The following SELP variants were observed in gnomAD, a reference collection of about 807,000 sequenced individuals.
SELP encodes the protein selectin P, also known as P-selectin.
Under a neutral mutation model 104.1 loss-of-function variants are expected in SELP, and 92 were observed. The observed-to-expected ratio is 0.88, with a 90% CI of 0.75 to 1.05. The LOEUF (loss-of-function observed/expected upper bound fraction) is 1.05. Ranked by LOEUF, SELP falls within the 50% of genes least tolerant of loss-of-function variation. SELP has a pLI of 0.00. For missense variants in SELP, 1,022 were observed against 1,017.3 expected (o/e 1.00, Z -0.06); for synonymous variants, 397 against 364.5 (o/e 1.09, Z -1.01).
intron 10 of SELP, among the ~76,000 whole-genome samples, chr1:169,599,592 A>C (rs1661800053): frequency 6.6e-6 from 1 of 152,146 alleles, no homozygotes. Context: ...GTTTCCTTTC[A>C]TTATATCATT....
intron 1 of SELP, among the ~76,000 whole-genome samples, chr1:169,621,054 C>T: frequency 7.4e-6 from 1 of 134,816 alleles, no homozygotes; most frequent in African/African-American, 2.9e-5. Context: ...TGTCATGCCA[C>T]AGTGACGGAT....
At chr1:169,614,788 C>T (rs1156617948) in intron 3 of SELP, among the ~76,000 whole-genome samples, 1 of 152,152 alleles carries the variant, frequency 6.6e-6, no homozygotes, top group Non-Finnish European at 1.5e-5. Context: ...TGAAGCTGCA[C>T]TGAGACACTG....
intron 9 of SELP, among the ~76,000 whole-genome samples, chr1:169,604,613 C>A (rs544922562): frequency 6.6e-6 from 1 of 152,342 alleles, no homozygotes; most frequent in Admixed American, 6.5e-5. Flanking sequence ...ATTCCTTCCC[C>A]TCTCTAGCTA....
chr1:169,618,479 G>A (rs574269092), intron 2 of SELP, among the ~76,000 whole-genome samples: 3 of 152,176 alleles, frequency 2.0e-5, no homozygotes, highest in Non-Finnish European at 2.9e-5. Flanking sequence ...GAGTCCACCC[G>A]GGGCAGGAGA....
chr1:169,593,603 A>G lies in SELP; in HGVS notation c.2407+2T>C. 6.2e-7 allele frequency: 1 copy of G among 1,612,218 alleles called. No individual in the cohort carries two copies. The highest frequency in any genetic ancestry group is 8.5e-7 in the Non-Finnish European group (1 of 1,178,812). Reference sequence around the variant, plus strand: ...GCAAAGAGAAGACTCTTTCCTATTTACCTTTTTGTCTGAAACGCTTTCTTA... The same window carrying G: ...GCAAAGAGAAGACTCTTTCCTATTTGCCTTTTTGTCTGAAACGCTTTCTTA... On this transcript the variant is annotated splice_donor_variant, in intron 14 of 16. Transcript: ENST00000263686. LOFTEE classifies it high-confidence loss of function.
At chr1:169,600,506 G>A (rs1002421201) in intron 10 of SELP, among the ~76,000 whole-genome samples, 3 of 152,108 alleles carry the variant, frequency 2.0e-5, no homozygotes, top group East Asian at 1.9e-4. Flanking sequence ...CTAGGCAGAG[G>A]CCACATCCCA....
At chr1:169,591,506 A>C in intron 14 of SELP, 50 bp from the exon 15 acceptor site, 2 of 1,337,928 alleles carry the variant, frequency 1.5e-6, no homozygotes, top group Non-Finnish European at 2.1e-6. Context: ...AAAAAACAAG[A>C]TGAAAGAGAG....
At position 169,606,596 on chromosome 1, in the gene SELP, T is replaced by A. The variant is rs554206517; in HGVS notation, c.1519+353A>T. On this transcript the variant is annotated intron_variant, in intron 9 of 16. Transcript: ENST00000263686. The stretch of plus-strand genomic sequence containing the variant: ...CTTGGGACAACCACTCTGAAGCAAT[T>A]TTTTTCCCACCTGGTCTTCTTTCCA... Among the ~76,000 whole-genome samples the A allele has an allele frequency of 4.0e-4, 60 of 151,870 alleles. 1 individual carries two copies. The South Asian group carries it at 0.012, about 31-fold the overall frequency.
chr1:169,595,153 A>C (rs3917827), intron 12 of SELP, among the ~76,000 whole-genome samples: 10,228 of 152,262 alleles, frequency 0.067, 450 homozygotes, highest in Middle Eastern at 0.12. Flanking sequence ...CTTGCCTCCA[A>C]ATATACTATT....
At chr1:169,594,902 G>A (rs1661527226) in intron 12 of SELP, 25 bp from the exon 13 acceptor site, 1 of 1,595,222 alleles carries the variant, frequency 6.3e-7, no homozygotes, top group Non-Finnish European at 8.6e-7. Context: ...TAATGCAAGA[G>A]AAACAACATG....
At chr1:169,607,537 T>C (rs377652330) in intron 8 of SELP, among the ~76,000 whole-genome samples, 37 of 152,260 alleles carry the variant, frequency 2.4e-4, no homozygotes, top group African/African-American at 7.9e-4. Context: ...ATGAAAAGAA[T>C]GTTAAAGGTC....
chr1:169,629,995 C>A (rs1385178955), intron 1 of SELP, 77 bp downstream of exon 1: 11 of 1,588,482 alleles, frequency 6.9e-6, no homozygotes, highest in Admixed American at 1.7e-5. Context: ...ACTTTCTGAA[C>A]CTTTACCTGC....
intron 10 of SELP, among the ~76,000 whole-genome samples, chr1:169,598,408 T>C (rs995429299): frequency 2.0e-5 from 3 of 152,188 alleles, no homozygotes; most frequent in Non-Finnish European, 4.4e-5. Context: ...CAATGTACAG[T>C]ATTTGGCTTT....
intron 3 of SELP, among the ~76,000 whole-genome samples, chr1:169,614,453 G>T (rs1016411079): frequency 6.6e-6 from 1 of 152,182 alleles, no homozygotes; most frequent in Non-Finnish European, 1.5e-5. Flanking sequence ...TTTCCTGCAA[G>T]AAAGTATTTT....
chr1:169,622,529 C>T (rs1159600025), intron 1 of SELP, among the ~76,000 whole-genome samples: 2 of 152,148 alleles, frequency 1.3e-5, no homozygotes, highest in Non-Finnish European at 2.9e-5. Flanking sequence ...GATATATGAA[C>T]AAATGAGGGA....
intron 10 of SELP, among the ~76,000 whole-genome samples, chr1:169,602,710 C>T (rs962919622): frequency 6.6e-6 from 1 of 152,160 alleles, no homozygotes; most frequent in Non-Finnish European, 1.5e-5. Context: ...CTCCTGGGTT[C>T]AAGCGATTCT....
intron 9 of SELP, among the ~76,000 whole-genome samples, chr1:169,603,786 T>C (rs1571638652): frequency 6.6e-6 from 1 of 152,354 alleles, no homozygotes; most frequent in Middle Eastern, 3.4e-3. Context: ...AGTTGCTTTA[T>C]CTTCGAAATG....
At chr1:169,593,022 A>G (rs3917834) in intron 14 of SELP, among the ~76,000 whole-genome samples, 2,711 of 152,290 alleles carry the variant, frequency 0.018, 83 homozygotes, top group African/African-American at 0.061. Flanking sequence ...CTGACCTGCC[A>G]GTCTGGTTTA....
In SELP at chr1:169,594,701, T is replaced by C. The variant is rs539869908; in HGVS notation, c.2278A>G (p.Thr760Ala). 6.2e-6 allele frequency: 10 copies of C among 1,613,188 alleles called. No individual in the cohort carries two copies. The highest frequency in any genetic ancestry group is 8.5e-6 in the Non-Finnish European group (10 of 1,179,486). ...CACATGAAAATTGTACCTTGGCAGG[T>C]TGGCACGGTAGTTGACCAGTGGCCA... Reference protein sequence around the residue: ...ENGHWSTTVPTCQAGPLTIQE... With the variant: ...ENGHWSTTVPACQAGPLTIQE... Residue 760 changes from threonine to alanine, a missense_variant, in exon 13 of 17, where the codon ACC becomes GCC. By Grantham distance (58) the Thr-to-Ala change is moderately conservative. Coordinates refer to ENST00000263686, the MANE Select transcript of SELP (RefSeq NM_003005.4).
Sources: allele counts gnomAD v4.1 joint callset (sites outside exome capture counted in the v4.1 genomes callset), GRCh38; gene constraint gnomAD v4.1.1; transcripts MANE v1.5; gene names NCBI Gene and HGNC (gene_info 2026-07-23, HGNC 2026-07-21).